SEPTIN7: variants seen among roughly 807,000 people sequenced by gnomAD.
SEPTIN7 encodes septin 7, also known as septin-7.
SEPTIN7 carries 10 observed loss-of-function variants against 63.3 expected under a neutral mutation model. The observed-to-expected ratio is 0.16, with a 90% CI of 0.10 to 0.27. The LOEUF is 0.27. Among genes scored for constraint, SEPTIN7 ranks in the 10% least tolerant of loss-of-function variants. The pLI is 1.00. For synonymous variants in SEPTIN7, 131 were observed against 165.3 expected (o/e 0.79, Z 1.59); for missense variants, 310 against 521.0 (o/e 0.59, Z 3.94).
chr7:35,887,024 A>G (rs1204084692), intron 10 of SEPTIN7, among the ~76,000 whole-genome samples: 2 of 152,232 alleles, frequency 1.3e-5, no homozygotes, highest in Admixed American at 6.5e-5. Context: ...GAGAAGAGCA[A>G]AAGCACGAGA....
At chr7:35,914,034 T>C in the SEPTIN7 span, among the ~76,000 whole-genome samples, 1 of 152,228 alleles carries the variant, frequency 6.6e-6, no homozygotes, top group Non-Finnish European at 1.5e-5. Context: ...TAGAACAGAA[T>C]ACTATGTAGA....
At chr7:35,862,681 A>T (rs986250377) in intron 3 of SEPTIN7, among the ~76,000 whole-genome samples, 2 of 152,164 alleles carry the variant, frequency 1.3e-5, no homozygotes, top group African/African-American at 4.8e-5. Context: ...CCTCCTAGAC[A>T]TAAAAATATT....
chr7:35,833,163 A>C (rs1379022106), intron 3 of SEPTIN7, among the ~76,000 whole-genome samples: 3 of 152,074 alleles, frequency 2.0e-5, no homozygotes, highest in Non-Finnish European at 4.4e-5. Context: ...AGTTATCTTC[A>C]ATTCATAGTG....
chr7:35,828,439 G>T (rs183217434), intron 1 of SEPTIN7, among the ~76,000 whole-genome samples: 85 of 152,128 alleles, frequency 5.6e-4, no homozygotes, highest in Non-Finnish European at 7.9e-4. Context: ...GCAGTGGCAC[G>T]ATCTCAGCTC....
At chr7:35,816,818 T>C (rs1789097654) in intron 1 of SEPTIN7, among the ~76,000 whole-genome samples, 1 of 152,188 alleles carries the variant, frequency 6.6e-6, no homozygotes, top group African/African-American at 2.4e-5. Flanking sequence ...TCCCTAATGA[T>C]GTTGAACATC....
chr7:35,882,298 T>C (rs753196788), intron 7 of SEPTIN7, among the ~76,000 whole-genome samples, 186 bp from the exon 8 acceptor site: 2 of 141,934 alleles, frequency 1.4e-5, no homozygotes, highest in African/African-American at 5.2e-5. Flanking sequence ...ATCAACTTCA[T>C]AGTTAAAAAA....
chr7:35,810,366 C>T (rs982146894), intron 1 of SEPTIN7, among the ~76,000 whole-genome samples: 1 of 151,418 alleles, frequency 6.6e-6, no homozygotes, highest in Non-Finnish European at 1.5e-5. Context: ...CTCTGTCACC[C>T]AGGCTATAGT....
At chr7:35,859,275 A>G (rs1785376892) in intron 3 of SEPTIN7, among the ~76,000 whole-genome samples, 1 of 152,082 alleles carries the variant, frequency 6.6e-6, no homozygotes, top group Non-Finnish European at 1.5e-5. Context: ...TGATAAGAAT[A>G]TGTTGTTAGA....
rs924158491 is a variant in SEPTIN7, at chr7:35,905,281, C to T, written c.*988C>T. On this transcript the variant is annotated 3_prime_UTR_variant, in exon 14 of 14. Transcript: ENST00000350320. ...TTTTTTGTTTGTATTGTAAAAAATT[C>T]ACATAATAAACGATGTTGTGATGTA... is the stretch of plus-strand genomic sequence containing the variant. 6.6e-6 allele frequency: 1 copy of T among 152,556 alleles called. No homozygotes were observed. Among genetic ancestry groups the T allele is most frequent in the Non-Finnish European group, 1.5e-5 (1 of 68,034 alleles). 9.5% of individuals were successfully genotyped at this position (152,556 alleles called of 1,614,324 possible).
Position 35,838,906 on chromosome 7 carries a change from A to C in SEPTIN7, c.169+6006A>C, listed in dbSNP as rs536672662. Among the ~76,000 whole-genome samples the C allele has an allele frequency of 4.4e-4, 67 of 152,322 alleles. 1 individual carries two copies. The Middle Eastern group carries it at 0.017, about 39-fold the overall frequency. ...TACCAAAACCGTTTGTTACAAGCTT[A>C]ATTTTTAAAAGTGTATATGCTTGGT... is the stretch of plus-strand genomic sequence containing the variant. On this transcript the variant is annotated intron_variant, in intron 3 of 13. Transcript: ENST00000350320.
In SEPTIN7 at chr7:35,874,256, TTAGCTG is replaced by T. The variant is rs1786334404; in HGVS notation, c.512+483_512+488del. ...AAATCTATTTGGCTTCTGTTTCACC[TTAGCTG>T]TCATAGACGTGTTGTTCAGGTATCA... On this transcript the variant is annotated intron_variant, in intron 6 of 13. Transcript: ENST00000350320. The T allele has an allele frequency of 1.9e-5, 3 of 156,880 alleles. No homozygotes were observed. The South Asian group carries it at 5.8e-4, about 30-fold the overall frequency. 9.7% of individuals were successfully genotyped at this position (156,880 alleles called of 1,614,324 possible).
chr7:35,803,078 T>C lies in SEPTIN7; in HGVS notation c.61+1808T>C, dbSNP rs565722189. 4.2e-5 allele frequency: 28 copies of C among 659,580 alleles called. No individual in the cohort carries two copies. In the South Asian group the frequency reaches 1.6e-3, roughly 38 times the overall value. 40.9% of individuals were successfully genotyped at this position (659,580 alleles called of 1,614,324 possible). On this transcript the variant is annotated intron_variant, in intron 1 of 13. Coordinates refer to ENST00000350320, the MANE Select transcript of SEPTIN7 (RefSeq NM_001788.6). ...TCAAATTCACAACAAATAACAGAAA[T>C]GTTAAGTTGATTTTAATTAGTTCTT...
chr7:35,907,722 A>AG (rs1033183643), downstream of SEPTIN7, among the ~76,000 whole-genome samples: 1 of 152,194 alleles, frequency 6.6e-6, no homozygotes, highest in Non-Finnish European at 1.5e-5. Flanking sequence ...CCTGATTAAG[A>AG]GGGGCAGCTG....
the SEPTIN7 span, among the ~76,000 whole-genome samples, chr7:35,915,035 A>G: frequency 1.3e-5 from 2 of 151,748 alleles, no homozygotes; most frequent in African/African-American, 4.9e-5. Flanking sequence ...ACATGCACGT[A>G]CATATATGTA....
At chr7:35,818,094 A>G (rs187755703) in intron 1 of SEPTIN7, among the ~76,000 whole-genome samples, 2 of 152,140 alleles carry the variant, frequency 1.3e-5, no homozygotes, top group East Asian at 1.9e-4. Flanking sequence ...GAAAGCATTC[A>G]GTCTTTCATC....
chr7:35,820,683 T>C (rs1300501116), intron 1 of SEPTIN7, among the ~76,000 whole-genome samples: 2 of 152,226 alleles, frequency 1.3e-5, no homozygotes, highest in Non-Finnish European at 2.9e-5. Context: ...AGGTTTAAAG[T>C]ATTTGTTTAA....
intron 12 of SEPTIN7, chr7:35,900,511 T>C (rs1788258360): frequency 6.6e-6 from 1 of 152,226 alleles, no homozygotes; most frequent in Admixed American, 6.5e-5. Context: ...TTTATCAGCA[T>C]GTTGTAAATA....
At chr7:35,820,109 G>A (rs1160118356) in intron 1 of SEPTIN7, among the ~76,000 whole-genome samples, 1 of 151,726 alleles carries the variant, frequency 6.6e-6, no homozygotes, top group East Asian at 1.9e-4. Context: ...TTGCTTTCGG[G>A]CCTCCATGGT....
intron 4 of SEPTIN7, among the ~76,000 whole-genome samples, 164 bp downstream of exon 4, chr7:35,863,822 A>G (rs139307241): frequency 3.0e-4 from 46 of 151,252 alleles, no homozygotes; most frequent in African/African-American, 1.0e-3. Context: ...AAAAAAGTAC[A>G]GTTCATCAGA....
Sources: allele counts gnomAD v4.1 joint callset (sites outside exome capture counted in the v4.1 genomes callset), GRCh38; gene constraint gnomAD v4.1.1; transcripts MANE v1.5; gene names NCBI Gene and HGNC (gene_info 2026-07-23, HGNC 2026-07-21).